FANCA: variants seen among roughly 807,000 people sequenced by gnomAD.
FANCA encodes the protein Fanconi anemia group A protein.
In FANCA, 236 loss-of-function variants were observed where a neutral mutation model predicts 194.3. That is an observed-to-expected ratio of 1.21 (90% CI 1.09 to 1.35). FANCA has a LOEUF of 1.35. FANCA is among the 40% of genes most tolerant of loss of function. The probability of loss-of-function intolerance (pLI) is 0.00; values close to 1 mark genes in which losing one functional copy is unlikely to be tolerated. For synonymous variants in FANCA, 1,014 were observed against 715.8 expected (o/e 1.42, Z -6.65); for missense variants, 2,628 against 1,813.9 (o/e 1.45, Z -8.15).
intron 35 of FANCA, among the ~76,000 whole-genome samples, chr16:89,746,196 A>T (rs979734685): frequency 6.6e-6 from 1 of 152,198 alleles, no homozygotes; most frequent in Non-Finnish European, 1.5e-5. Context: ...GTCAGGCGCA[A>T]GTGGGCCACA....
intron 17 of FANCA, among the ~76,000 whole-genome samples, chr16:89,780,466 A>G (rs972606112): frequency 6.6e-5 from 10 of 152,076 alleles, no homozygotes; most frequent in Non-Finnish European, 1.0e-4. Flanking sequence ...CTAAAAAAAT[A>G]CAAAAACATT....
chr16:89,798,798 G>T, intron 10 of FANCA: 1 of 1,432,700 alleles, frequency 7.0e-7, no homozygotes. Context: ...TAGAAATGTG[G>T]GGGGCTGAGA....
chr16:89,779,918 T>C lies in FANCA; in HGVS notation c.1666A>G (p.Met556Val). 2 of 1,614,106 alleles carry C rather than the reference T, an allele frequency of 1.2e-6. No individual in the cohort carries two copies. Among genetic ancestry groups the C allele is most frequent in the South Asian group, 1.1e-5 (1 of 91,070 alleles). The change falls in exon 18 of 43, where the codon ATG becomes GTG. Residue 556 changes from methionine to valine, a missense_variant. Coordinates refer to ENST00000389301, the MANE Select transcript of FANCA (RefSeq NM_000135.4). ...QALQDVEKAIMVFEHTGNIPV... is the reference protein window; with the variant it reads ...QALQDVEKAIVVFEHTGNIPV... The stretch of plus-strand genomic sequence containing the variant: ...ATGTTCCCCGTATGCTCAAACACCA[T>C]GATGGCCTTTTCAACATCCTGAAGA...
rs45441106 is a variant in FANCA, at chr16:89,770,570, G to A, written c.2216C>T (p.Pro739Leu). ...GAGCTGCCCGCGCCTTCACCTCTCC[G>A]GGGGAGCGACACTGGAGGCAGCCAT... ...NLMAASSVAP[P>L]ERQGPWAALF... Residue 739 changes from proline (P) to leucine (L), a missense_variant, in exon 24 of 43, where the codon CCG becomes CTG. Physicochemically the swap from Pro to Leu is moderately conservative, Grantham distance 98. Transcript: ENST00000389301. 1,738 of 1,609,406 alleles carry A rather than the reference G, an allele frequency of 1.1e-3. 6 individuals carry two copies. The highest frequency in any genetic ancestry group is 1.0e-2 in the African/African-American group (749 of 74,948).
At chr16:89,742,676 A>AAAAAAAAAAAAATT in intron 37 of FANCA, 124 bp downstream of exon 37, 1 of 756,146 alleles carries the variant, frequency 1.3e-6, no homozygotes, top group Non-Finnish European at 2.0e-6. Flanking sequence ...AAAAAAAAAA[A>AAAAAAAAAAAAATT]GTCTTGCTCC....
intron 10 of FANCA, chr16:89,798,599 G>A (rs368627265): frequency 1.7e-6 from 2 of 1,146,796 alleles, no homozygotes; most frequent in East Asian, 4.0e-5. Flanking sequence ...ACCAAACCCC[G>A]ATGTCCACCT....
In FANCA at chr16:89,737,950, CCTT is replaced by C. The variant is rs771351336; in HGVS notation, c.*648_*650del. Reference sequence around the variant, plus strand: ...CCCTCCCAGGGCTGTGGCCCTCGCACCTTCTTATCTGCCTCTGTCCCCCAGGTG... The same window carrying C: ...CCCTCCCAGGGCTGTGGCCCTCGCACCTTATCTGCCTCTGTCCCCCAGGTG... On this transcript the variant is annotated 3_prime_UTR_variant, in exon 43 of 43. Transcript: ENST00000389301. 16 of 1,614,024 alleles carry C rather than the reference CCTT, an allele frequency of 9.9e-6. No individual in the cohort carries two copies. Among genetic ancestry groups the C allele is most frequent in the Non-Finnish European group, 1.4e-5 (16 of 1,180,000 alleles).
rs766131144 is a variant in FANCA, at chr16:89,816,579, G to C, written c.37C>G (p.Gln13Glu). The C allele has an allele frequency of 6.6e-7, 1 of 1,525,068 alleles. No individual in the cohort carries two copies. The highest frequency in any genetic ancestry group is 2.1e-4 in the Middle Eastern group (1 of 4,748). The allele number at this position is 1,525,068 out of a possible 1,614,324, so 94.5% of individuals were successfully genotyped here. A position where few individuals can be genotyped will look rare whatever the true frequency, so the allele number is the denominator to read the frequency against. ...GCCCTCCGGCGGCCCCCTGGGTCCT[G>C]GCCCGAGGCGGAGTTCGGGACCCAC... is the stretch of plus-strand genomic sequence containing the variant. ...DSWVPNSASGQDPGGRRRAWA... is the reference protein window; with the variant it reads ...DSWVPNSASGEDPGGRRRAWA... The change falls in exon 1 of 43, where the codon CAG becomes GAG. Residue 13 changes from glutamine to glutamate, a missense_variant. Transcript: ENST00000389301.
At chr16:89,739,669 G>A in intron 39 of FANCA, 116 bp from the exon 40 acceptor site, 2 of 1,509,496 alleles carry the variant, frequency 1.3e-6, no homozygotes, top group Admixed American at 2.0e-5. Flanking sequence ...TGGGGATAGT[G>A]TGGGGCGAAC....
At chr16:89,793,750 T>G (rs2040154914) in intron 11 of FANCA, among the ~76,000 whole-genome samples, 1 of 151,658 alleles carries the variant, frequency 6.6e-6, no homozygotes, top group Non-Finnish European at 1.5e-5. Flanking sequence ...CCAGATACTT[T>G]TTGTATTTTT....
intron 23 of FANCA, 67 bp downstream of exon 23, chr16:89,771,611 G>A (rs923392476): frequency 3.4e-5 from 54 of 1,569,238 alleles, no homozygotes; most frequent in African/African-American, 2.8e-4. Flanking sequence ...GGCTCCATGC[G>A]TCTAATGCCT....
Position 89,765,074 on chromosome 16 carries a change from A to G in FANCA, c.2602-8T>C, listed in dbSNP as rs772897825. Reference sequence around the variant, plus strand: ...GAACATGAGGAACTGAAACTGAAACAGAGAGTGACCCGGCCGTTTCTTCAT... The same window carrying G: ...GAACATGAGGAACTGAAACTGAAACGGAGAGTGACCCGGCCGTTTCTTCAT... On this transcript the variant is annotated splice_polypyrimidine_tract_variant and splice_region_variant and intron_variant, in intron 27 of 42. Transcript: ENST00000389301. The G allele has an allele frequency of 1.2e-6, 2 of 1,612,008 alleles. No individual in the cohort carries two copies. Among genetic ancestry groups the G allele is most frequent in the East Asian group, 4.5e-5 (2 of 44,890 alleles).
At position 89,744,940 on chromosome 16, in the gene FANCA, T is replaced by G. The variant is rs756108061; in HGVS notation, c.3626+19A>C. 1 of 1,608,926 alleles carries G rather than the reference T, an allele frequency of 6.2e-7. No homozygotes were observed. Among genetic ancestry groups the G allele is most frequent in the African/African-American group, 1.3e-5 (1 of 74,980 alleles). On this transcript the variant is annotated intron_variant, in intron 36 of 42. Coordinates refer to ENST00000389301, the MANE Select transcript of FANCA (RefSeq NM_000135.4). The stretch of plus-strand genomic sequence containing the variant: ...AGTGCATCTGGGCGGGCACACCCCA[T>G]CTCACCACCCACACGTACTCGCTGG...
At chr16:89,790,511 A>ACT (rs200811317) in intron 14 of FANCA, among the ~76,000 whole-genome samples, 16,902 of 151,946 alleles carry the variant, frequency 0.11, 1,237 homozygotes, top group East Asian at 0.22. Flanking sequence ...CGGGCGGATC[A>ACT]TGAGGTCAGG....
At chr16:89,816,031 C>G (rs1477307478) in intron 1 of FANCA, 45 bp from the exon 2 acceptor site, 1 of 1,473,260 alleles carries the variant, frequency 6.8e-7, no homozygotes, top group South Asian at 1.1e-5. Context: ...ACAATTCACA[C>G]ACGGGGTCCC....
rs369154534 is a variant in FANCA at position 89,742,954 on chromosome 16, C to G, written c.3627-16G>C. ...GGAGAGGAAACTGGGACAGAGAGAACGGGGTCATTGCAGGGCCTTACAACC... is the reference window on the plus strand; with the variant it reads ...GGAGAGGAAACTGGGACAGAGAGAAGGGGGTCATTGCAGGGCCTTACAACC... On this transcript the variant is annotated splice_polypyrimidine_tract_variant and intron_variant, in intron 36 of 42. Coordinates refer to ENST00000389301, the MANE Select transcript of FANCA (RefSeq NM_000135.4). 1.9e-6 allele frequency: 3 copies of G among 1,613,050 alleles called. No individual in the cohort carries two copies. The highest frequency in any genetic ancestry group is 2.2e-5 in the South Asian group (2 of 91,054).
chr16:89,779,818 C>T lies in FANCA; in HGVS notation c.1715+51G>A, dbSNP rs367952320. The T allele has an allele frequency of 5.0e-5, 74 of 1,480,224 alleles. No homozygotes were observed. The African/African-American group carries it at 5.7e-4, about 11-fold the overall frequency. The allele number at this position is 1,480,224 out of a possible 1,614,324, so 91.7% of individuals were successfully genotyped here. On this transcript the variant is annotated intron_variant, in intron 18 of 42. Transcript: ENST00000389301. ...TGCACATACTGCAGGCATCAGAGCGCGGTCTGCACACACTGCAGCTGCTAG... is the reference window on the plus strand; with the variant it reads ...TGCACATACTGCAGGCATCAGAGCGTGGTCTGCACACACTGCAGCTGCTAG...
At chr16:89,781,241 G>A (rs1283473081) in intron 17 of FANCA, among the ~76,000 whole-genome samples, 1 of 150,870 alleles carries the variant, frequency 6.6e-6, no homozygotes, top group Admixed American at 6.6e-5. Flanking sequence ...GCGGGTGCCT[G>A]TAGTCCCAGC....
At chr16:89,796,907 C>T (rs773505093) in intron 10 of FANCA, among the ~76,000 whole-genome samples, 4 of 152,110 alleles carry the variant, frequency 2.6e-5, no homozygotes, top group Non-Finnish European at 2.9e-5. Flanking sequence ...ACCTGTAATC[C>T]CAGCACTTTG....
Sources: gnomAD v4.1 joint callset for allele counts (sites outside exome capture counted in the v4.1 genomes callset) on GRCh38, gnomAD v4.1.1 for gene constraint, MANE v1.5 for transcripts, NCBI Gene and HGNC (gene_info 2026-07-23, HGNC 2026-07-21) for gene names.